Variants in MCC observed in about 807,000 individuals in gnomAD.
MCC encodes the protein colorectal mutant cancer protein.
A neutral mutation model predicts 116.2 loss-of-function variants in MCC; 90 were observed. The ratio of observed to expected loss-of-function variants is 0.77; its 90% CI spans 0.65 to 0.92. The LOEUF (loss-of-function observed/expected upper bound fraction) is 0.92. Ranked by LOEUF, MCC falls within the 40% of genes least tolerant of loss-of-function variation. MCC has a pLI of 0.00. For missense variants in MCC, 1,516 were observed against 1,312.2 expected (o/e 1.16, Z -2.40); for synonymous variants, 578 against 510.5 (o/e 1.13, Z -1.78).
At chr5:113,343,933 T>A (rs1033860295) in intron 2 of MCC, among the ~76,000 whole-genome samples, 95 of 152,040 alleles carry the variant, frequency 6.2e-4, no homozygotes, top group African/African-American at 2.3e-3. Context: ...TTTTAACAAC[T>A]ACCTACACAT....
intron 1 of MCC, among the ~76,000 whole-genome samples, chr5:113,446,208 T>A (rs1174310046): frequency 2.6e-5 from 4 of 152,112 alleles, no homozygotes; most frequent in Non-Finnish European, 5.9e-5. Context: ...AATTTACAAC[T>A]AAGTTCTCAA....
chr5:113,331,208 A>G (rs1192676710), intron 3 of MCC, among the ~76,000 whole-genome samples: 2 of 148,196 alleles, frequency 1.3e-5, no homozygotes, highest in African/African-American at 2.7e-5. Flanking sequence ...AAGCATGTCA[A>G]TATTTCAACG....
At chr5:113,299,030 T>C (rs1188103655) in intron 3 of MCC, among the ~76,000 whole-genome samples, 1 of 152,012 alleles carries the variant, frequency 6.6e-6, no homozygotes, top group Non-Finnish European at 1.5e-5. Flanking sequence ...GGCTCACACC[T>C]GTAATCCCAG....
chr5:113,187,682 G>A (rs2150312022), intron 3 of MCC, among the ~76,000 whole-genome samples: 1 of 151,384 alleles, frequency 6.6e-6, no homozygotes, highest in African/African-American at 2.4e-5. Context: ...GTGAACCCAG[G>A]AGGCGGAGCT....
chr5:113,110,211 G>T (rs544596393), intron 6 of MCC, among the ~76,000 whole-genome samples: 60 of 152,266 alleles, frequency 3.9e-4, no homozygotes, highest in African/African-American at 1.4e-3. Flanking sequence ...TCTGTACTGT[G>T]CCCCTTTCTA....
At chr5:113,098,994 G>A (rs553740523) in intron 8 of MCC, among the ~76,000 whole-genome samples, 219 of 152,250 alleles carry the variant, frequency 1.4e-3, no homozygotes, top group Middle Eastern at 3.4e-3. Flanking sequence ...TGACAACCAC[G>A]AAGGACAGAT....
chr5:113,275,772 G>C lies in MCC; in HGVS notation c.627+64747C>G, dbSNP rs1765798294. 3.3e-5 allele frequency among the ~76,000 whole-genome samples: 5 copies of C among 152,108 alleles called. 1 individual carries two copies. The South Asian group carries it at 1.0e-3, about 32-fold the overall frequency. ...TAAAGTATACAGGAGGATGCGCATA[G>C]CTTATATGCAAATACTACACCCTTT... is the stretch of plus-strand genomic sequence containing the variant. On this transcript the variant is annotated intron_variant, in intron 3 of 18. Transcript: ENST00000408903.
chr5:113,440,545 T>C (rs939921736), intron 1 of MCC, among the ~76,000 whole-genome samples: 15 of 151,554 alleles, frequency 9.9e-5, no homozygotes, highest in African/African-American at 3.4e-4. Flanking sequence ...TCAATAGATA[T>C]TTATTTAAAG....
At chr5:113,078,690 A>C (rs957029381) in intron 11 of MCC, among the ~76,000 whole-genome samples, 2 of 152,180 alleles carry the variant, frequency 1.3e-5, no homozygotes, top group Non-Finnish European at 2.9e-5. Context: ...TGACAAACCC[A>C]CAGCCAATAT....
chr5:113,063,622 C>A (rs780400758), intron 14 of MCC, among the ~76,000 whole-genome samples: 26 of 152,188 alleles, frequency 1.7e-4, no homozygotes, highest in Non-Finnish European at 3.4e-4. Context: ...GAGCAAACGG[C>A]TCTTGGCTAC....
intron 17 of MCC, among the ~76,000 whole-genome samples, chr5:113,038,599 G>C (rs867918240): frequency 1.3e-5 from 2 of 152,068 alleles, no homozygotes; most frequent in Non-Finnish European, 2.9e-5. Flanking sequence ...GAATGTTTGG[G>C]GAATGGCATT....
At chr5:113,447,200 G>T (rs1580387008) in intron 1 of MCC, among the ~76,000 whole-genome samples, 1 of 152,168 alleles carries the variant, frequency 6.6e-6, no homozygotes, top group African/African-American at 2.4e-5. Flanking sequence ...GATTTTTAAA[G>T]TATGTGTATT....
At chr5:113,083,178 T>C (rs1156422081) in intron 10 of MCC, among the ~76,000 whole-genome samples, 170 bp from the exon 11 acceptor site, 1 of 151,390 alleles carries the variant, frequency 6.6e-6, no homozygotes, top group Non-Finnish European at 1.5e-5. Context: ...AAGCTAACTA[T>C]TAAATACTAT....
chr5:113,229,095 G>C (rs1279890088), intron 3 of MCC, among the ~76,000 whole-genome samples: 3 of 152,194 alleles, frequency 2.0e-5, no homozygotes, highest in Non-Finnish European at 4.4e-5. Flanking sequence ...TCAGTGTTTG[G>C]ATGGTTTTTT....
intron 3 of MCC, among the ~76,000 whole-genome samples, chr5:113,160,787 C>T (rs1198969372): frequency 6.6e-6 from 1 of 152,168 alleles, no homozygotes; most frequent in Non-Finnish European, 1.5e-5. Context: ...AAATAGAAGA[C>T]CATTCAGCTG....
At chr5:113,323,359 G>A (rs180956961) in intron 3 of MCC, 3 of 152,398 alleles carry the variant, frequency 2.0e-5, no homozygotes, top group Non-Finnish European at 2.9e-5. Flanking sequence ...ACAGAAGAGA[G>A]GTGGGTGAGA....
At chr5:113,441,349 A>T (rs1473285626) in intron 1 of MCC, among the ~76,000 whole-genome samples, 2 of 152,164 alleles carry the variant, frequency 1.3e-5, no homozygotes, top group African/African-American at 4.8e-5. Flanking sequence ...AAAACAAAAC[A>T]AAACAAAACA....
chr5:113,051,262 C>G (rs1021273838), intron 15 of MCC, among the ~76,000 whole-genome samples: 4 of 152,166 alleles, frequency 2.6e-5, no homozygotes, highest in African/African-American at 9.7e-5. Context: ...CCTACCCCCA[C>G]CACCGAGGAA....
intron 1 of MCC, among the ~76,000 whole-genome samples, chr5:113,457,769 C>G (rs1303911953): frequency 1.7e-5 from 2 of 117,898 alleles, no homozygotes; most frequent in African/African-American, 8.1e-5. Context: ...TATCTAGCTA[C>G]TCTGGTGGGG....
Sources: allele counts gnomAD v4.1 joint callset (sites outside exome capture counted in the v4.1 genomes callset), GRCh38; gene constraint gnomAD v4.1.1; transcripts MANE v1.5; gene names NCBI Gene and HGNC (gene_info 2026-07-23, HGNC 2026-07-21).